Variants in SUPT3H observed in about 807,000 individuals in gnomAD.
SUPT3H encodes transcription initiation protein SPT3 homolog.
In SUPT3H, 44 loss-of-function variants were observed where a neutral mutation model predicts 44.3. The observed-to-expected ratio is 0.99, with a 90% confidence interval of 0.78 to 1.28. The LOEUF (loss-of-function observed/expected upper bound fraction) is 1.28, where lower values mean the gene tolerates loss of function less well. Ranked by LOEUF, SUPT3H falls within the 50% of genes most tolerant of loss-of-function variation. SUPT3H has a pLI of 0.00. For missense variants in SUPT3H, 380 were observed against 387.1 expected (o/e 0.98, Z 0.15); for synonymous variants, 124 against 125.6 (o/e 0.99, Z 0.09).
At chr6:45,338,614 C>T (rs1405529862) in intron 2 of SUPT3H, among the ~76,000 whole-genome samples, 1 of 152,038 alleles carries the variant, frequency 6.6e-6, no homozygotes, top group Non-Finnish European at 1.5e-5. Context: ...GGTTACTGAC[C>T]ATGTGATAAA....
At chr6:44,980,278 C>T (rs1778913925) in intron 6 of SUPT3H, among the ~76,000 whole-genome samples, 1 of 151,018 alleles carries the variant, frequency 6.6e-6, no homozygotes, top group Admixed American at 6.6e-5. Flanking sequence ...GACAGTAAGT[C>T]CTCACTTCAT....
At chr6:45,219,124 A>G (rs1373436152) in intron 2 of SUPT3H, among the ~76,000 whole-genome samples, 1 of 152,132 alleles carries the variant, frequency 6.6e-6, no homozygotes, top group East Asian at 1.9e-4. Flanking sequence ...AAAGAAACTC[A>G]TATCACTACA....
chr6:44,944,197 A>G (rs544231967), intron 9 of SUPT3H, among the ~76,000 whole-genome samples: 3 of 152,276 alleles, frequency 2.0e-5, no homozygotes, highest in African/African-American at 7.2e-5. Context: ...AAACAGTGTA[A>G]TAACTCCCAA....
At chr6:45,375,437 C>T (rs1272618464) in intron 1 of SUPT3H, among the ~76,000 whole-genome samples, 1 of 152,162 alleles carries the variant, frequency 6.6e-6, no homozygotes, top group African/African-American at 2.4e-5. Context: ...ATAAAAGCAC[C>T]CCATTCTGAT....
chr6:45,019,646 T>C (rs1048318955), intron 4 of SUPT3H, among the ~76,000 whole-genome samples: 5 of 152,018 alleles, frequency 3.3e-5, no homozygotes, highest in South Asian at 2.1e-4. Context: ...CACAGTTCTT[T>C]AGATGCACAT....
chr6:45,357,586 CA>C (rs971012917), intron 2 of SUPT3H, among the ~76,000 whole-genome samples: 19 of 152,120 alleles, frequency 1.2e-4, no homozygotes, highest in African/African-American at 4.3e-4. Context: ...GTCAGCCCCT[CA>C]AAAGTGCTGG....
rs1162290088 is a variant in SUPT3H, at chr6:45,255,427, T to TG, written c.101+109773_101+109774insC. Among the ~76,000 whole-genome samples the TG allele has an allele frequency of 1.1e-4, 17 of 150,246 alleles. 1 individual carries two copies. The highest frequency in any genetic ancestry group is 2.1e-4 in the South Asian group (1 of 4,682). ...CAACAACCTATAATAGGTTTTTTTTTTTTTTTTTTTCAGTCAGGTTCTCGC... is the reference window on the plus strand; with the variant it reads ...CAACAACCTATAATAGGTTTTTTTTTGTTTTTTTTTTCAGTCAGGTTCTCGC... On this transcript the variant is annotated intron_variant, in intron 2 of 10. Coordinates refer to ENST00000371459, the MANE Select transcript of SUPT3H (RefSeq NM_003599.4).
chr6:45,226,950 T>C lies in SUPT3H; in HGVS notation c.102-120944A>G, dbSNP rs1046624368. The stretch of plus-strand genomic sequence containing the variant: ...TGTTCGAGGTTACAGTGAGCTACGA[T>C]CATGCCACTGCACTCCAGCCTGAAT... On this transcript the variant is annotated intron_variant, in intron 2 of 10. Transcript: ENST00000371459. Among the ~76,000 whole-genome samples the C allele has an allele frequency of 1.7e-4, 26 of 151,862 alleles. 2 individuals carry two copies. The highest frequency in any genetic ancestry group is 1.8e-4 in the Non-Finnish European group (12 of 67,974).
intron 2 of SUPT3H, among the ~76,000 whole-genome samples, chr6:45,243,099 T>C (rs576174425): frequency 2.2e-4 from 31 of 142,892 alleles, no homozygotes; most frequent in African/African-American, 7.4e-4. Context: ...GAGGCTGCGG[T>C]GGGAGGATTG....
chr6:45,299,591 T>C (rs1781821668), intron 2 of SUPT3H, among the ~76,000 whole-genome samples: 1 of 151,978 alleles, frequency 6.6e-6, no homozygotes, highest in South Asian at 2.1e-4. Context: ...AAAATCACAC[T>C]ACAGAGATTT....
At chr6:44,896,024 T>G (rs940978771) in intron 10 of SUPT3H, among the ~76,000 whole-genome samples, 4 of 152,078 alleles carry the variant, frequency 2.6e-5, no homozygotes, top group Admixed American at 2.0e-4. Context: ...TTCAGAGGCC[T>G]GGGGACAAAC....
Position 44,954,528 on chromosome 6 carries a change from G to C in SUPT3H, c.660C>G (p.Ile220Met), listed in dbSNP as rs1258630149. ...CAGTTTCATACGCTAAATATGCTAA[G>C]ATTTCCATTGCGACAACATTGGGTT... is the stretch of plus-strand genomic sequence containing the variant. ...EIKPNVVAME[I>M]LAYLAYETVA... The change falls in exon 8 of 11, where the codon ATC (isoleucine) becomes ATG (methionine). Residue 220 changes from isoleucine to methionine, a missense_variant. Physicochemically the swap from Ile to Met is conservative, Grantham distance 10 (BLOSUM62 1). Coordinates refer to ENST00000371459, the MANE Select transcript of SUPT3H (RefSeq NM_003599.4). 6.2e-7 allele frequency: 1 copy of C among 1,614,014 alleles called. No individual in the cohort carries two copies. Among genetic ancestry groups the C allele is most frequent in the South Asian group, 1.1e-5 (1 of 91,078 alleles).
chr6:45,139,278 T>C (rs1354226123), intron 2 of SUPT3H, among the ~76,000 whole-genome samples: 1 of 152,224 alleles, frequency 6.6e-6, no homozygotes. Context: ...ACCTCTATTA[T>C]ATTTTACAAA....
chr6:45,128,280 G>A (rs1188318433), intron 2 of SUPT3H, among the ~76,000 whole-genome samples: 1 of 151,554 alleles, frequency 6.6e-6, no homozygotes, highest in Non-Finnish European at 1.5e-5. Flanking sequence ...GCAGAGGCAG[G>A]CAGATCACGA....
chr6:45,046,400 A>G (rs1269052730), intron 3 of SUPT3H, among the ~76,000 whole-genome samples: 1 of 152,056 alleles, frequency 6.6e-6, no homozygotes, highest in Non-Finnish European at 1.5e-5. Context: ...GCACGATCTC[A>G]GCTCACTGCA....
chr6:44,990,916 G>A (rs1780528986), intron 6 of SUPT3H, among the ~76,000 whole-genome samples: 1 of 151,546 alleles, frequency 6.6e-6, no homozygotes, highest in Non-Finnish European at 1.5e-5. Flanking sequence ...ATACTTTTAT[G>A]TAATACAAGT....
chr6:45,266,150 C>T (rs973578135), intron 2 of SUPT3H, among the ~76,000 whole-genome samples: 16 of 109,612 alleles, frequency 1.5e-4, no homozygotes, highest in African/African-American at 6.4e-4. Context: ...AACTTATAAA[C>T]GTAACCTGAC....
At chr6:44,878,208 G>T (rs958446412) in intron 10 of SUPT3H, among the ~76,000 whole-genome samples, 2 of 152,136 alleles carry the variant, frequency 1.3e-5, no homozygotes, top group African/African-American at 4.8e-5. Flanking sequence ...GAGCAGTGTT[G>T]TAACAAGGTT....
chr6:44,835,046 T>C (rs904952349), intron 10 of SUPT3H, among the ~76,000 whole-genome samples: 4 of 152,116 alleles, frequency 2.6e-5, no homozygotes, highest in African/African-American at 9.7e-5. Flanking sequence ...AAAATAATAA[T>C]TCTGATAAAT....
Sources: gnomAD v4.1 joint callset for allele counts (sites outside exome capture counted in the v4.1 genomes callset) on GRCh38, gnomAD v4.1.1 for gene constraint, MANE v1.5 for transcripts, NCBI Gene and HGNC (gene_info 2026-07-23, HGNC 2026-07-21) for gene names.